CDC42BPA: variants seen among roughly 807,000 people sequenced by gnomAD.
CDC42BPA encodes the protein CDC42 binding protein kinase alpha.
In CDC42BPA, 80 loss-of-function variants were observed where a neutral mutation model predicts 223.5. That is an observed-to-expected ratio of 0.36 (90% confidence interval 0.30 to 0.43). The LOEUF (loss-of-function observed/expected upper bound fraction) is 0.43, where lower values mean the gene tolerates loss of function less well. Among genes scored for constraint, CDC42BPA ranks in the 20% least tolerant of loss-of-function variants. CDC42BPA has a pLI of 1.00. For synonymous variants in CDC42BPA, 694 were observed against 718.6 expected (o/e 0.97, Z 0.55); for missense variants, 1,743 against 2,099.9 (o/e 0.83, Z 3.32).
At chr1:227,006,505 G>A (rs1319050117) in intron 34 of CDC42BPA, among the ~76,000 whole-genome samples, 4 of 152,202 alleles carry the variant, frequency 2.6e-5, no homozygotes, top group Non-Finnish European at 5.9e-5. Context: ...CTTGTCTGAG[G>A]ATGAAGCTAA....
chr1:227,149,961 C>T (rs952088225), intron 6 of CDC42BPA, among the ~76,000 whole-genome samples: 13 of 152,134 alleles, frequency 8.5e-5, no homozygotes, highest in Admixed American at 6.5e-4. Context: ...CAGTGGCTCA[C>T]ACCAGTAATC....
intron 17 of CDC42BPA, among the ~76,000 whole-genome samples, chr1:227,075,974 G>C (rs1335869937): frequency 6.6e-6 from 1 of 151,896 alleles, no homozygotes; most frequent in Non-Finnish European, 1.5e-5. Context: ...TTCTAACTTT[G>C]CTTTTTATTT....
In CDC42BPA at chr1:227,017,691, A is replaced by AGTCTT. The variant is rs557455300; in HGVS notation, c.4616-646_4616-642dup. Among the ~76,000 whole-genome samples, 9 of 152,286 alleles carry AGTCTT rather than the reference A, an allele frequency of 5.9e-5. No individual in the cohort carries two copies. In the South Asian group the frequency reaches 1.9e-3, roughly 32 times the overall value. Reference sequence around the variant, plus strand: ...CATATACACCTAGCAACCCAGTGATAGTCTTATCCGATGTCAGTTTTAATA... The same window carrying AGTCTT: ...CATATACACCTAGCAACCCAGTGATAGTCTTGTCTTATCCGATGTCAGTTTTAATA... On this transcript the variant is annotated intron_variant, in intron 32 of 36. Transcript: ENST00000366766.
intron 32 of CDC42BPA, among the ~76,000 whole-genome samples, chr1:227,018,466 C>T (rs1359029560): frequency 6.6e-6 from 1 of 152,136 alleles, no homozygotes; most frequent in Admixed American, 6.5e-5. Context: ...TTTGTCAGGT[C>T]CCTCTTCTCC....
intron 1 of CDC42BPA, among the ~76,000 whole-genome samples, chr1:227,285,651 C>T (rs1688688880): frequency 6.6e-6 from 1 of 152,108 alleles, no homozygotes; most frequent in Non-Finnish European, 1.5e-5. Context: ...CCTAGATGGT[C>T]CTGTCACTAG....
intron 1 of CDC42BPA, among the ~76,000 whole-genome samples, chr1:227,275,777 AT>A (rs1436563131): frequency 6.6e-6 from 1 of 151,964 alleles, no homozygotes; most frequent in Non-Finnish European, 1.5e-5. Context: ...TGGTTTTTGT[AT>A]TTTTTGGTGG....
chr1:227,237,691 T>A (rs1038212310), intron 2 of CDC42BPA, among the ~76,000 whole-genome samples: 2 of 152,216 alleles, frequency 1.3e-5, no homozygotes, highest in African/African-American at 4.8e-5. Flanking sequence ...AGTTTTAACT[T>A]GTTCCACAAA....
At chr1:227,267,221 T>C (rs1685157994) in intron 1 of CDC42BPA, among the ~76,000 whole-genome samples, 1 of 152,216 alleles carries the variant, frequency 6.6e-6, no homozygotes, top group South Asian at 2.1e-4. Context: ...TGAATGATAA[T>C]TTATGAATGA....
intron 1 of CDC42BPA, among the ~76,000 whole-genome samples, chr1:227,277,793 A>C (rs1687359320): frequency 6.6e-6 from 1 of 152,200 alleles, no homozygotes; most frequent in African/African-American, 2.4e-5. Context: ...TCTGTCGCCC[A>C]GGCTGGAGTG....
intron 1 of CDC42BPA, among the ~76,000 whole-genome samples, chr1:227,298,105 C>CA (rs541949123): frequency 5.3e-4 from 80 of 149,580 alleles, no homozygotes; most frequent in African/African-American, 1.8e-3. Flanking sequence ...TTATCTGTCT[C>CA]AAAAAAAATC....
At chr1:227,242,065 A>G (rs1369211332) in intron 2 of CDC42BPA, among the ~76,000 whole-genome samples, 1 of 152,186 alleles carries the variant, frequency 6.6e-6, no homozygotes, top group East Asian at 1.9e-4. Context: ...AAATATCAGC[A>G]AATCAAACCC....
At chr1:227,062,844 A>G (rs1034673875) in intron 21 of CDC42BPA, among the ~76,000 whole-genome samples, 1 of 151,692 alleles carries the variant, frequency 6.6e-6, no homozygotes, top group African/African-American at 2.4e-5. Flanking sequence ...AAAAAAAAAA[A>G]CTTTTTTGGC....
At chr1:226,999,228 G>A (rs1289050292) in intron 35 of CDC42BPA, among the ~76,000 whole-genome samples, 2 of 151,212 alleles carry the variant, frequency 1.3e-5, no homozygotes, top group Admixed American at 1.3e-4. Context: ...CCAGGCTGGA[G>A]TGCAGTGGCG....
At chr1:227,078,657 G>C (rs1040685286) in intron 17 of CDC42BPA, among the ~76,000 whole-genome samples, 2 of 152,058 alleles carry the variant, frequency 1.3e-5, no homozygotes, top group African/African-American at 4.8e-5. Context: ...AAAGAGAGAG[G>C]AGGTGGAGTT....
intron 6 of CDC42BPA, among the ~76,000 whole-genome samples, chr1:227,149,062 G>A (rs1353073059): frequency 6.6e-6 from 1 of 152,068 alleles, no homozygotes; most frequent in Non-Finnish European, 1.5e-5. Flanking sequence ...CGAGTTTGAA[G>A]ACAAAGGCTG....
intron 21 of CDC42BPA, among the ~76,000 whole-genome samples, chr1:227,061,951 G>A (rs1676006537): frequency 6.6e-6 from 1 of 152,060 alleles, no homozygotes; most frequent in South Asian, 2.1e-4. Context: ...ACTGTCTGCT[G>A]GACATCTCCA....
chr1:227,148,981 A>T (rs977808520), intron 6 of CDC42BPA, among the ~76,000 whole-genome samples: 1 of 151,878 alleles, frequency 6.6e-6, no homozygotes, highest in East Asian at 1.9e-4. Flanking sequence ...ACATACACAA[A>T]AGCGAGTACC....
At chr1:227,091,250 T>A (rs998819467) in intron 16 of CDC42BPA, among the ~76,000 whole-genome samples, 2 of 152,160 alleles carry the variant, frequency 1.3e-5, no homozygotes, top group African/African-American at 4.8e-5. Context: ...TGATATGACT[T>A]CAATGTCTGT....
intron 21 of CDC42BPA, among the ~76,000 whole-genome samples, chr1:227,060,030 G>GT (rs66527313): frequency 0.3 from 35,463 of 117,004 alleles, 6,782 homozygotes; most frequent in East Asian, 0.48. Flanking sequence ...GTTTTTTTTT[G>GT]TTTTTTTTTT....
Sources: gnomAD v4.1 joint callset for allele counts (sites outside exome capture counted in the v4.1 genomes callset) on GRCh38, gnomAD v4.1.1 for gene constraint, MANE v1.5 for transcripts, NCBI Gene and HGNC (gene_info 2026-07-23, HGNC 2026-07-21) for gene names.